EYS: variants seen among roughly 807,000 people sequenced by gnomAD.
The protein encoded by EYS is protein eyes shut homolog.
In EYS, 250 loss-of-function variants were observed where a neutral mutation model predicts 282.1. The ratio of observed to expected loss-of-function variants is 0.89; its 90% CI spans 0.80 to 0.98. The LOEUF (loss-of-function observed/expected upper bound fraction) is 0.98. Ranked by LOEUF, EYS falls within the 50% of genes least tolerant of loss-of-function variation. EYS has a pLI of 0.00. For synonymous variants in EYS, 1,355 were observed against 1,282.9 expected, an observed-to-expected ratio of 1.06 and a Z score of -1.20; for missense variants, 4,016 against 3,709.0, an observed-to-expected ratio of 1.08 and a Z score of -2.15.
Position 65,465,924 on chromosome 6 carries a change from A to G in EYS, c.862+24670T>C, listed in dbSNP as rs144470226. Among the ~76,000 whole-genome samples the G allele has an allele frequency of 7.0e-3, 1,058 of 152,136 alleles. 8 individuals are homozygous for G. The highest frequency in any genetic ancestry group is 9.7e-3 in the Non-Finnish European group (663 of 68,012). ...GAAATTGAGGCTGCAGTGAGCTGTG[A>G]TTGTGCCACTGCCCCACAGCCTGGA... On this transcript the variant is annotated intron_variant, in intron 5 of 42. Transcript: ENST00000503581.
At chr6:64,151,311 GTATATTTATATATATATATATATATATA>G (rs1413473491) in intron 31 of EYS, among the ~76,000 whole-genome samples, 20 of 87,170 alleles carry the variant, frequency 2.3e-4, no homozygotes, top group South Asian at 1.8e-3. Context: ...GTGTGTGTGT[GTATATTTATATATATATATATATATATA>G]TATATATATA....
intron 31 of EYS, among the ~76,000 whole-genome samples, chr6:64,153,884 C>G (rs1774824307): frequency 6.6e-6 from 1 of 151,954 alleles, no homozygotes; most frequent in Non-Finnish European, 1.5e-5. Context: ...GGGGAAAATA[C>G]AAACAATTGG....
intron 40 of EYS, among the ~76,000 whole-genome samples, chr6:63,769,138 G>A (rs1769869939): frequency 6.6e-6 from 1 of 151,932 alleles, no homozygotes; most frequent in East Asian, 1.9e-4. Flanking sequence ...TCACTATCTG[G>A]GTGATGGAAT....
chr6:64,711,893 C>T (rs1477831055), intron 22 of EYS, among the ~76,000 whole-genome samples: 1 of 151,906 alleles, frequency 6.6e-6, no homozygotes, highest in African/African-American at 2.4e-5. Context: ...TGTGAATATG[C>T]AAAAATGGTT....
Position 64,749,022 on chromosome 6 carries a change from C to T in EYS, c.3443+64356G>A, listed in dbSNP as rs1251242541. On this transcript the variant is annotated intron_variant, in intron 22 of 42. Coordinates refer to ENST00000503581, the MANE Select transcript of EYS (RefSeq NM_001142800.2). Reference sequence around the variant, plus strand: ...TCCTGACCTCAGGTGATCCACCCGCCTTGGCCTCCCAAAGTGCTGGGATGA... The same window carrying T: ...TCCTGACCTCAGGTGATCCACCCGCTTTGGCCTCCCAAAGTGCTGGGATGA... 2.6e-5 allele frequency among the ~76,000 whole-genome samples: 4 copies of T among 152,228 alleles called. No individual in the cohort carries two copies. In the East Asian group the frequency reaches 7.7e-4, roughly 29 times the overall value.
rs183195795 is a variant in EYS, at chr6:64,408,770, A to G, written c.5928-19930T>C. On this transcript the variant is annotated intron_variant, in intron 28 of 42. Coordinates refer to ENST00000503581, the MANE Select transcript of EYS (RefSeq NM_001142800.2). ...ATATGACTCTTTTGTTTTTTCTTCC[A>G]ACTTGTATTAGGTTGGTGCAAAAGT... is the stretch of plus-strand genomic sequence containing the variant. Among the ~76,000 whole-genome samples, 403 of 152,286 alleles carry G rather than the reference A, an allele frequency of 2.6e-3. 2 individuals are homozygous for G. The highest frequency in any genetic ancestry group is 8.9e-3 in the African/African-American group (371 of 41,560).
At chr6:64,467,477 TTCATC>T (rs1562011482) in intron 26 of EYS, among the ~76,000 whole-genome samples, 8 of 152,184 alleles carry the variant, frequency 5.3e-5, no homozygotes, top group Non-Finnish European at 8.8e-5. Context: ...GTATGCAATA[TTCATC>T]AACATGGTAA....
chr6:64,705,909 G>A lies in EYS; in HGVS notation c.3444-79664C>T, dbSNP rs368997836. ...TAGATGACGAGTTAGAGGGTGCAGC[G>A]CACCAGCATGGCACATGTATACATA... On this transcript the variant is annotated intron_variant, in intron 22 of 42. Transcript: ENST00000503581. Among the ~76,000 whole-genome samples the A allele has an allele frequency of 1.7e-3, 257 of 149,944 alleles. 1 individual carries two copies. The highest frequency in any genetic ancestry group is 5.8e-3 in the African/African-American group (236 of 40,672).
At chr6:65,547,959 C>T (rs1768455504) in intron 2 of EYS, among the ~76,000 whole-genome samples, 1 of 152,150 alleles carries the variant, frequency 6.6e-6, no homozygotes, top group South Asian at 2.1e-4. Flanking sequence ...TCTCCAAATT[C>T]CCATTCTTTA....
chr6:65,538,546 A>C (rs1028210185), intron 2 of EYS, among the ~76,000 whole-genome samples: 1 of 152,132 alleles, frequency 6.6e-6, no homozygotes. Context: ...CTTCCTAACA[A>C]ATAAAACATA....
At chr6:65,266,816 T>C (rs1407858118) in intron 12 of EYS, among the ~76,000 whole-genome samples, 3 of 150,980 alleles carry the variant, frequency 2.0e-5, no homozygotes, top group Non-Finnish European at 4.4e-5. Flanking sequence ...ACAATATCTG[T>C]TTAATAAAAA....
intron 26 of EYS, among the ~76,000 whole-genome samples, chr6:64,442,541 T>C (rs1157761935): frequency 3.9e-5 from 6 of 152,244 alleles, no homozygotes; most frequent in Non-Finnish European, 8.8e-5. Flanking sequence ...GAGGTCTTCA[T>C]GGCAGCCCCT....
chr6:65,621,570 T>C (rs1381605270), intron 2 of EYS, among the ~76,000 whole-genome samples: 2 of 151,314 alleles, frequency 1.3e-5, no homozygotes, highest in Non-Finnish European at 2.9e-5. Flanking sequence ...GTTAATATTG[T>C]TATGTGTGAA....
chr6:63,815,057 G>A (rs916676031), intron 36 of EYS, among the ~76,000 whole-genome samples: 4 of 152,130 alleles, frequency 2.6e-5, no homozygotes, highest in African/African-American at 9.7e-5. Flanking sequence ...CATTGAGGTT[G>A]GAGTGGGTTA....
At chr6:63,819,585 C>G (rs1253800111) in intron 36 of EYS, among the ~76,000 whole-genome samples, 1 of 152,174 alleles carries the variant, frequency 6.6e-6, no homozygotes, top group Non-Finnish European at 1.5e-5. Flanking sequence ...AAGGTTGGCC[C>G]AGTTGATGCT....
intron 31 of EYS, among the ~76,000 whole-genome samples, chr6:64,155,765 T>G (rs906524703): frequency 2.0e-5 from 3 of 152,130 alleles, no homozygotes; most frequent in African/African-American, 7.2e-5. Context: ...CATCACAGAT[T>G]GTTGGATTTT....
chr6:64,271,349 T>C (rs1402215188), intron 30 of EYS, among the ~76,000 whole-genome samples: 1 of 152,184 alleles, frequency 6.6e-6, no homozygotes, highest in Non-Finnish European at 1.5e-5. Flanking sequence ...ATTTTTGTAT[T>C]ATCTGGGAAA....
At chr6:63,809,579 G>A (rs987936641) in intron 36 of EYS, among the ~76,000 whole-genome samples, 49 of 152,052 alleles carry the variant, frequency 3.2e-4, no homozygotes, top group Admixed American at 1.3e-4. Flanking sequence ...GGGAGATGCT[G>A]GAATTTAAAC....
chr6:65,243,368 G>A (rs1225346825), intron 12 of EYS, among the ~76,000 whole-genome samples: 1 of 152,258 alleles, frequency 6.6e-6, no homozygotes, highest in East Asian at 1.9e-4. Context: ...AGAGTTACTG[G>A]TGGCCTGCCC....
Sources: allele counts gnomAD v4.1 joint callset (sites outside exome capture counted in the v4.1 genomes callset), GRCh38; gene constraint gnomAD v4.1.1; transcripts MANE v1.5; gene names NCBI Gene and HGNC (gene_info 2026-07-23, HGNC 2026-07-21).